Variants in MCF2L observed in about 807,000 individuals in gnomAD.
MCF2L encodes the protein MCF.2 cell line derived transforming sequence like.
In MCF2L, 97 loss-of-function variants were observed where a neutral mutation model predicts 153.4. The observed-to-expected ratio is 0.63, with a 90% CI of 0.54 to 0.75. The LOEUF is 0.75. Among genes scored for constraint, MCF2L ranks in the 30% least tolerant of loss-of-function variants. The pLI, the probability that MCF2L is intolerant of heterozygous loss-of-function variation, is 0.00. For missense variants in MCF2L, 1,347 were observed against 1,495.2 expected (o/e 0.90, Z 1.64); for synonymous variants, 659 against 632.2 (o/e 1.04, Z -0.64).
intron 26 of MCF2L, among the ~76,000 whole-genome samples, chr13:113,091,962 G>T (rs1172773850): frequency 6.6e-6 from 1 of 152,214 alleles, no homozygotes; most frequent in African/African-American, 2.4e-5. Flanking sequence ...CCAGGCAGAA[G>T]CTGTGGCCAC....
chr13:112,936,111 C>T (rs1457625480), intron 2 of MCF2L, among the ~76,000 whole-genome samples: 2 of 152,064 alleles, frequency 1.3e-5, no homozygotes, highest in Admixed American at 1.3e-4. Context: ...GAAACCCCGT[C>T]TCTACTAAAA....
At chr13:112,926,976 C>T (rs1019497028) in intron 2 of MCF2L, among the ~76,000 whole-genome samples, 5 of 152,188 alleles carry the variant, frequency 3.3e-5, no homozygotes, top group African/African-American at 4.8e-5. Context: ...ACTGTGCATA[C>T]ATACTTCAGA....
At chr13:112,964,108 CGGGGGGGCG>C (rs2081865135) in intron 2 of MCF2L, among the ~76,000 whole-genome samples, 1 of 1,764 alleles carries the variant, frequency 5.7e-4, no homozygotes, top group Non-Finnish European at 2.3e-3. Context: ...TTGCAGGGGG[CGGGGGGGCG>C]GGGGGGCCCA....
intron 2 of MCF2L, among the ~76,000 whole-genome samples, chr13:112,961,048 C>T (rs536579660): frequency 1.4e-5 from 2 of 147,286 alleles, no homozygotes; most frequent in East Asian, 3.9e-4. Flanking sequence ...TCCTCCCTGA[C>T]CCTGCTCTTC....
rs930374082 is a variant in MCF2L at position 113,035,817 on chromosome 13, G to T, written c.279-9454G>T. 2.6e-5 allele frequency among the ~76,000 whole-genome samples: 4 copies of T among 152,226 alleles called. No homozygotes were observed. The highest frequency in any genetic ancestry group is 9.6e-5 in the African/African-American group (4 of 41,454). ...CCCACTTGTTAGCTGTTTGACCCTG[G>T]ATATGTCATTCACTTCTGCGTTCCT... is the stretch of plus-strand genomic sequence containing the variant. On this transcript the variant is annotated intron_variant, in intron 3 of 29. Transcript: ENST00000535094. This position sits in a 1 kb window ranked among gnomAD's most constrained non-coding sequence, Gnocchi z 4.4.
intron 15 of MCF2L, among the ~76,000 whole-genome samples, chr13:113,080,587 C>A (rs1460133325): frequency 6.6e-6 from 1 of 152,238 alleles, no homozygotes; most frequent in Non-Finnish European, 1.5e-5. Flanking sequence ...GGTGCTCACA[C>A]CCACAGCAAG....
At chr13:112,915,774 G>C (rs1455857948) in intron 2 of MCF2L, among the ~76,000 whole-genome samples, 1 of 152,150 alleles carries the variant, frequency 6.6e-6, no homozygotes, top group Non-Finnish European at 1.5e-5. Context: ...TCCTGGACGT[G>C]ATTAAGTAGT....
chr13:113,004,136 G>A (rs980963560), intron 1 of MCF2L, among the ~76,000 whole-genome samples: 2 of 152,144 alleles, frequency 1.3e-5, no homozygotes, highest in Admixed American at 1.3e-4. Context: ...GCCTCCCCCC[G>A]GCCCAGCGAG....
rs374084327 is a variant in MCF2L, at chr13:113,065,104, G to A, written c.756+19G>A. On this transcript the variant is annotated intron_variant, in intron 7 of 29. Coordinates refer to ENST00000535094, the MANE Select transcript of MCF2L (RefSeq NM_001112732.3). ...GGCGAAGGTACATGGGGGGTGCTCC[G>A]GCTGGAAGCTGTGGGGGGCTCCGGT... The A allele has an allele frequency of 2.4e-5, 38 of 1,608,550 alleles. No individual in the cohort carries two copies. Among genetic ancestry groups the A allele is most frequent in the Admixed American group, 6.7e-5 (4 of 59,706 alleles).
At chr13:113,056,859 G>A (rs537773858) in intron 4 of MCF2L, among the ~76,000 whole-genome samples, 4 of 136,850 alleles carry the variant, frequency 2.9e-5, no homozygotes, top group African/African-American at 5.6e-5. Flanking sequence ...TGAGTGTTTC[G>A]GCGCTGAGTG....
rs2085116935 is a variant in MCF2L at position 113,024,741 on chromosome 13, C to T, written c.261C>T (p.Tyr87=). The change falls in exon 3 of 30, where the codon TAC becomes TAT. Residue 87 remains tyrosine (Y), a synonymous_variant. Coordinates refer to ENST00000535094, the MANE Select transcript of MCF2L (RefSeq NM_001112732.3). The part of the protein sequence containing the change: ...PDKEFQNVMT[Y]LTSIPSLQDA... ...AGGAGTTCCAGAATGTCATGACCTACCTCACCAGCATCCCCAGGTACGTGC... is the reference window on the plus strand; with the variant it reads ...AGGAGTTCCAGAATGTCATGACCTATCTCACCAGCATCCCCAGGTACGTGC... The T allele has an allele frequency of 1.9e-6, 3 of 1,613,986 alleles. No homozygotes were observed. Among genetic ancestry groups the T allele is most frequent in the Non-Finnish European group, 2.5e-6 (3 of 1,179,820 alleles).
At chr13:113,085,035 C>A in intron 19 of MCF2L, 51 bp downstream of exon 19, 6 of 1,611,764 alleles carry the variant, frequency 3.7e-6, no homozygotes, top group Non-Finnish European at 5.1e-6. Context: ...CTAGCCGACT[C>A]CTGAGGAATA....
At position 113,081,228 on chromosome 13, in the gene MCF2L, G is replaced by A; in HGVS notation, c.1824G>A (p.Glu608=). 1 of 1,589,958 alleles carries A rather than the reference G, an allele frequency of 6.3e-7. No individual in the cohort carries two copies. The highest frequency in any genetic ancestry group is 8.6e-7 in the Non-Finnish European group (1 of 1,169,100). The stretch of plus-strand genomic sequence containing the variant: ...CTGCCACCAGGCACGTGATGAGCGA[G>A]CTCCTGGACACAGAACGGGCCTACG... ...LAILRRHVMS[E]LLDTERAYVE... The change falls in exon 16 of 30, where the codon GAG becomes GAA. Residue 608 remains glutamate, a synonymous_variant. Transcript: ENST00000535094.
intron 2 of MCF2L, among the ~76,000 whole-genome samples, chr13:112,931,898 G>A (rs1594345866): frequency 6.6e-6 from 1 of 152,192 alleles, no homozygotes; most frequent in South Asian, 2.1e-4. Context: ...GTCAAGTCGC[G>A]TTGTATTATA....
chr13:112,948,247 T>G (rs1429557376), intron 2 of MCF2L, among the ~76,000 whole-genome samples: 3 of 152,260 alleles, frequency 2.0e-5, no homozygotes, highest in Non-Finnish European at 4.4e-5. Flanking sequence ...ACTAATCTTA[T>G]GAAAGTAGGC....
chr13:113,036,653 G>C (rs975769651), intron 3 of MCF2L, among the ~76,000 whole-genome samples: 1 of 152,226 alleles, frequency 6.6e-6, no homozygotes, highest in Non-Finnish European at 1.5e-5. Context: ...TGCGTGTGTC[G>C]CAGGCGACCC....
chr13:113,073,059 G>T (rs1594931760), intron 9 of MCF2L, among the ~76,000 whole-genome samples: 18 of 133,262 alleles, frequency 1.4e-4, no homozygotes, highest in Admixed American at 3.0e-4. Context: ...AATTTCCCTT[G>T]GAACTTCCTC....
At chr13:113,051,279 C>T (rs2087301028) in intron 4 of MCF2L, among the ~76,000 whole-genome samples, 1 of 88,358 alleles carries the variant, frequency 1.1e-5, no homozygotes. Flanking sequence ...TGGGGTGGGG[C>T]GGCTCTGGGG....
At chr13:112,903,294 C>T (rs376071223) in intron 2 of MCF2L, among the ~76,000 whole-genome samples, 5 of 152,314 alleles carry the variant, frequency 3.3e-5, no homozygotes, top group African/African-American at 7.2e-5. Context: ...CTGGCATTTG[C>T]GCTGATTAGT....
Sources: allele counts gnomAD v4.1 joint callset (sites outside exome capture counted in the v4.1 genomes callset), GRCh38; gene constraint gnomAD v4.1.1; non-coding constraint Gnocchi (gnomAD v3.1); transcripts MANE v1.5; gene names NCBI Gene and HGNC (gene_info 2026-07-23, HGNC 2026-07-21).